Variants in TENT5A observed in about 807,000 individuals in gnomAD.
TENT5A encodes HBV X-transactivated gene 11 protein.
A neutral mutation model predicts 30.2 loss-of-function variants in TENT5A; 9 were observed. That is an observed-to-expected ratio of 0.30 (90% confidence interval 0.18 to 0.52). The LOEUF (loss-of-function observed/expected upper bound fraction) is 0.52. Ranked by LOEUF, TENT5A falls within the 20% of genes least tolerant of loss-of-function variation. The probability of loss-of-function intolerance (pLI) is 0.97; values close to 1 mark genes in which losing one functional copy is unlikely to be tolerated. For missense variants in TENT5A, 411 were observed against 566.1 expected (o/e 0.73, Z 2.78); for synonymous variants, 264 against 234.2 (o/e 1.13, Z -1.16).
rs1768918182 is a variant in TENT5A, at chr6:81,747,905, T to G, written c.*1790A>C. On this transcript the variant is annotated 3_prime_UTR_variant, in exon 3 of 3. Coordinates refer to ENST00000320172, the MANE Select transcript of TENT5A (RefSeq NM_017633.3). ...GTTCATTTCACAAAGGTATAACTGG[T>G]ATTTTTGTAAGAAAGAAAATAAAGT... is the stretch of plus-strand genomic sequence containing the variant. 5 of 985,584 alleles carry G rather than the reference T, an allele frequency of 5.1e-6. No individual in the cohort carries two copies. Among genetic ancestry groups the G allele is most frequent in the Non-Finnish European group, 6.0e-6 (5 of 829,666 alleles). 61.1% of individuals were successfully genotyped at this position (985,584 alleles called of 1,614,324 possible). A position where few individuals can be genotyped will look rare whatever the true frequency, so the allele number is the denominator to read the frequency against.
chr6:81,748,578 TGAGAC>T lies in TENT5A; in HGVS notation c.*1112_*1116del, dbSNP rs1366121759. On this transcript the variant is annotated 3_prime_UTR_variant, in exon 3 of 3. Coordinates refer to ENST00000320172, the MANE Select transcript of TENT5A (RefSeq NM_017633.3). ...ACACAGTATTTAAACATTTCCTATT[TGAGAC>T]ATTATTCTAGATCATAGTCAATCTA... The T allele has an allele frequency of 1.0e-6, 1 of 980,292 alleles. No homozygotes were observed. Among genetic ancestry groups the T allele is most frequent in the Non-Finnish European group, 1.2e-6 (1 of 825,544 alleles). 60.7% of individuals were successfully genotyped at this position (980,292 alleles called of 1,614,324 possible). A position where few individuals can be genotyped will look rare whatever the true frequency, so the allele number is the denominator to read the frequency against.
chr6:81,747,702 C>T lies in TENT5A; in HGVS notation c.*1993G>A. ...AGGAATTATCATAGCAAGCAGTCAT[C>T]CACTAAGGTTGTGGAGATTATGTGG... On this transcript the variant is annotated 3_prime_UTR_variant, in exon 3 of 3. Transcript: ENST00000320172. 2 of 985,784 alleles carry T rather than the reference C, an allele frequency of 2.0e-6. No individual in the cohort carries two copies. Among genetic ancestry groups the T allele is most frequent in the Non-Finnish European group, 2.4e-6 (2 of 829,878 alleles). 61.1% of individuals were successfully genotyped at this position (985,784 alleles called of 1,614,324 possible). A position where few individuals can be genotyped will look rare whatever the true frequency, so the allele number is the denominator to read the frequency against.
At position 81,747,349 on chromosome 6, in the gene TENT5A, T is replaced by C. The variant is rs969038645; in HGVS notation, c.*2346A>G. On this transcript the variant is annotated 3_prime_UTR_variant, in exon 3 of 3. Transcript: ENST00000320172. ...TTCCTGGGAAGTTGCAATTAATTTT[T>C]CAAACCCAGGGCTTAAGTGAGGGAG... 5 of 985,760 alleles carry C rather than the reference T, an allele frequency of 5.1e-6. No homozygotes were observed. The highest frequency in any genetic ancestry group is 1.7e-5 in the African/African-American group (1 of 57,254). The allele number at this position is 985,760 out of a possible 1,614,324, so 61.1% of individuals were successfully genotyped here. A position where few individuals can be genotyped will look rare whatever the true frequency, so the allele number is the denominator to read the frequency against.
chr6:81,752,472 C>G lies in TENT5A; in HGVS notation c.-79G>C. The stretch of plus-strand genomic sequence containing the variant: ...CTTCTAGGAGCGCAGCGAGCGAGAG[C>G]GAAACCGAGAGGCGGCAACACTTCC... On this transcript the variant is annotated 5_prime_UTR_variant, in exon 1 of 3. Coordinates refer to ENST00000320172, the MANE Select transcript of TENT5A (RefSeq NM_017633.3). The G allele has an allele frequency of 6.5e-7, 1 of 1,546,382 alleles. No individual in the cohort carries two copies. The highest frequency in any genetic ancestry group is 2.4e-5 in the East Asian group (1 of 40,886).
chr6:81,751,120 C>T (rs536663195), intron 2 of TENT5A, among the ~76,000 whole-genome samples: 1 of 152,192 alleles, frequency 6.6e-6, no homozygotes, highest in Non-Finnish European at 1.5e-5. Flanking sequence ...ACCTTTAACA[C>T]GTAGTCAGCT....
At position 81,751,722 on chromosome 6, in the gene TENT5A, C is replaced by T; in HGVS notation, c.420G>A (p.Leu140=). The T allele has an allele frequency of 6.2e-7, 1 of 1,614,040 alleles. No homozygotes were observed. Among genetic ancestry groups the T allele is most frequent in the South Asian group, 1.1e-5 (1 of 91,082 alleles). The change falls in exon 2 of 3, where the codon CTG becomes CTA. Residue 140 remains leucine (L), a synonymous_variant. Coordinates refer to ENST00000320172, the MANE Select transcript of TENT5A (RefSeq NM_017633.3). The part of the protein sequence containing the change: ...HQDSGLGYKD[L]DLIFCADLRG... Reference sequence around the variant, plus strand: ...GCAGGTCGGCGCAGAAGATGAGGTCCAGGTCCTTGTAGCCCAGGCCGCTGT... The same window carrying T: ...GCAGGTCGGCGCAGAAGATGAGGTCTAGGTCCTTGTAGCCCAGGCCGCTGT...
At position 81,750,197 on chromosome 6, in the gene TENT5A, C is replaced by A; in HGVS notation, c.827G>T (p.Cys276Phe). The change falls in exon 3 of 3, where the codon TGT (cysteine) becomes TTT (phenylalanine). Residue 276 changes from cysteine to phenylalanine, a missense_variant. Coordinates refer to ENST00000320172, the MANE Select transcript of TENT5A (RefSeq NM_017633.3). The surrounding 1 kb of genome is among the most constrained non-coding windows in gnomAD (Gnocchi z 4.2). ...GTTCCTGGTGGCAATGATCTTGTTA[C>A]AAAGGTGATCAAAGGCTTCCTGGAA... ...GDFQEAFDHL[C>F]NKIIATRNPE... The A allele has an allele frequency of 6.2e-7, 1 of 1,614,142 alleles. No individual in the cohort carries two copies. Among genetic ancestry groups the A allele is most frequent in the Non-Finnish European group, 8.5e-7 (1 of 1,180,016 alleles).
chr6:81,751,824 C>T lies in TENT5A; in HGVS notation c.318G>A (p.Arg106=), dbSNP rs766610600. The T allele has an allele frequency of 8.1e-6, 13 of 1,612,694 alleles. No individual in the cohort carries two copies. The highest frequency in any genetic ancestry group is 1.1e-5 in the Non-Finnish European group (13 of 1,179,846). The change falls in exon 2 of 3, where the codon CGG becomes CGA. Residue 106 remains arginine (R), a synonymous_variant. Coordinates refer to ENST00000320172, the MANE Select transcript of TENT5A (RefSeq NM_017633.3). ...QPSLIVKVVR[R]RLAEKRIGVR... Reference sequence around the variant, plus strand: ...CGCCAATGCGCTTCTCGGCCAGGCGCCGCCGCACCACCTTCACGATCAGGC... The same window carrying T: ...CGCCAATGCGCTTCTCGGCCAGGCGTCGCCGCACCACCTTCACGATCAGGC...
chr6:81,751,905 G>A lies in TENT5A; in HGVS notation c.237C>T (p.Ser79=). 1.2e-6 allele frequency: 2 copies of A among 1,613,180 alleles called. No homozygotes were observed. Among genetic ancestry groups the A allele is most frequent in the African/African-American group, 2.7e-5 (2 of 75,044 alleles). The change falls in exon 2 of 3, where the codon AGC becomes AGT. Residue 79 remains serine, a synonymous_variant. Transcript: ENST00000320172. ...EQVQRLDGIL[S]ETIPIHGRGN... is the part of the protein sequence containing the mutation. Reference sequence around the variant, plus strand: ...CGCGCCCGTGAATCGGAATGGTCTCGCTCAGGATGCCGTCCAGCCGCTGCA... The same window carrying A: ...CGCGCCCGTGAATCGGAATGGTCTCACTCAGGATGCCGTCCAGCCGCTGCA...
At position 81,746,466 on chromosome 6, in the gene TENT5A, G is replaced by T. The variant is rs893277191; in HGVS notation, c.*3229C>A. The T allele has an allele frequency of 2.4e-6, 3 of 1,231,844 alleles. No homozygotes were observed. The African/African-American group carries it at 4.7e-5, about 19-fold the overall frequency. 76.3% of individuals were successfully genotyped at this position (1,231,844 alleles called of 1,614,324 possible). ...ATATTCTTCCATCCTTGCATTTTTG[G>T]AGCTACATTATTAGTCCATCCAATA... On this transcript the variant is annotated 3_prime_UTR_variant, in exon 3 of 3. Coordinates refer to ENST00000320172, the MANE Select transcript of TENT5A (RefSeq NM_017633.3).
chr6:81,747,641 T>C lies in TENT5A; in HGVS notation c.*2054A>G, dbSNP rs1010582427. 4 of 985,638 alleles carry C rather than the reference T, an allele frequency of 4.1e-6. No homozygotes were observed. The highest frequency in any genetic ancestry group is 4.8e-6 in the Non-Finnish European group (4 of 829,868). The allele number at this position is 985,638 out of a possible 1,614,324, so 61.1% of individuals were successfully genotyped here. A position where few individuals can be genotyped will look rare whatever the true frequency, so the allele number is the denominator to read the frequency against. On this transcript the variant is annotated 3_prime_UTR_variant, in exon 3 of 3. Coordinates refer to ENST00000320172, the MANE Select transcript of TENT5A (RefSeq NM_017633.3). Reference sequence around the variant, plus strand: ...TATTTTTTTCTCCCGTGGTCTCTCTTTAACTGATGATGAAAATCTTCTAAT... The same window carrying C: ...TATTTTTTTCTCCCGTGGTCTCTCTCTAACTGATGATGAAAATCTTCTAAT...
Position 81,751,752 on chromosome 6 carries a change from G to C in TENT5A, c.390C>G (p.His130Gln), listed in dbSNP as rs747933228. 1 of 1,613,556 alleles carries C rather than the reference G, an allele frequency of 6.2e-7. No individual in the cohort carries two copies. Among genetic ancestry groups the C allele is most frequent in the Non-Finnish European group, 8.5e-7 (1 of 1,180,038 alleles). Residue 130 changes from histidine to glutamine, a missense_variant, in exon 2 of 3, where the codon CAC becomes CAG. This residue lies in a region of TENT5A where 157 missense variants were observed against 183.2 expected (regional missense o/e 0.86). Coordinates refer to ENST00000320172, the MANE Select transcript of TENT5A (RefSeq NM_017633.3). ...CCTTGTAGCCCAGGCCGCTGTCCTGGTGCAGGACATGGCTGGCTGCCGAGC... is the reference window on the plus strand; with the variant it reads ...CCTTGTAGCCCAGGCCGCTGTCCTGCTGCAGGACATGGCTGGCTGCCGAGC... ...LNGSAASHVL[H>Q]QDSGLGYKDL... is the part of the protein sequence containing the mutation.
At chr6:81,752,217 G>T (rs1769060409) in intron 1 of TENT5A, 39 bp from the exon 2 acceptor site, 2 of 1,255,060 alleles carry the variant, frequency 1.6e-6, no homozygotes, top group Non-Finnish European at 2.1e-6. Flanking sequence ...AGGACGCGCG[G>T]CGGCGGAGAG....
Position 81,746,878 on chromosome 6 carries a change from C to CTA in TENT5A, c.*2815_*2816dup. On this transcript the variant is annotated 3_prime_UTR_variant, in exon 3 of 3. Coordinates refer to ENST00000320172, the MANE Select transcript of TENT5A (RefSeq NM_017633.3). The stretch of plus-strand genomic sequence containing the variant: ...TGTGTTCAACTACATATGCACAAGA[C>CTA]TATAGTACACACAAAATAGAAATAA... 1 of 1,090,998 alleles carries CTA rather than the reference C, an allele frequency of 9.2e-7. No individual in the cohort carries two copies. Among genetic ancestry groups the CTA allele is most frequent in the Non-Finnish European group, 1.1e-6 (1 of 899,102 alleles). The allele number at this position is 1,090,998 out of a possible 1,614,324, so 67.6% of individuals were successfully genotyped here.
chr6:81,749,548 T>G lies in TENT5A; in HGVS notation c.*147A>C, dbSNP rs957716501. 7.1e-7 allele frequency: 1 copy of G among 1,405,858 alleles called. No individual in the cohort carries two copies. The highest frequency in any genetic ancestry group is 2.6e-5 in the East Asian group (1 of 39,068). 87.1% of individuals were successfully genotyped at this position (1,405,858 alleles called of 1,614,324 possible). On this transcript the variant is annotated 3_prime_UTR_variant, in exon 3 of 3. Coordinates refer to ENST00000320172, the MANE Select transcript of TENT5A (RefSeq NM_017633.3). ...ACATCTATTAAAAGATACATAAGCTTTGCCAAACTTAAAACCAGGAGCATA... is the reference window on the plus strand; with the variant it reads ...ACATCTATTAAAAGATACATAAGCTGTGCCAAACTTAAAACCAGGAGCATA...
At position 81,749,781 on chromosome 6, in the gene TENT5A, T is replaced by C. The variant is rs2127726450; in HGVS notation, c.1243A>G (p.Asn415Asp). 1 of 1,614,174 alleles carries C rather than the reference T, an allele frequency of 6.2e-7. No individual in the cohort carries two copies. Among genetic ancestry groups the C allele is most frequent in the Non-Finnish European group, 8.5e-7 (1 of 1,180,038 alleles). ...TGTGCAATGTAGTAATTGCTAAAGT[T>C]GGCATCTGCTACATAGGGGGCTGGC... The part of the protein sequence containing the change: ...YQPAPYVADA[N>D]FSNYYIAQVQ... Residue 415 changes from asparagine to aspartate, a missense_variant, in exon 3 of 3, where the codon AAC becomes GAC. By Grantham distance (23) the Asn-to-Asp change is conservative. Coordinates refer to ENST00000320172, the MANE Select transcript of TENT5A (RefSeq NM_017633.3).
At position 81,752,478 on chromosome 6, in the gene TENT5A, C is replaced by T. The variant is rs1769069898; in HGVS notation, c.-85G>A. The T allele has an allele frequency of 1.3e-6, 2 of 1,542,026 alleles. No individual in the cohort carries two copies. The highest frequency in any genetic ancestry group is 2.4e-5 in the East Asian group (1 of 40,880). On this transcript the variant is annotated 5_prime_UTR_variant, in exon 1 of 3. Transcript: ENST00000320172. ...GGAGCGCAGCGAGCGAGAGCGAAAC[C>T]GAGAGGCGGCAACACTTCCAGGAGC...
chr6:81,746,724 A>G lies in TENT5A; in HGVS notation c.*2971T>C. 8.2e-7 allele frequency: 1 copy of G among 1,226,104 alleles called. No homozygotes were observed. Among genetic ancestry groups the G allele is most frequent in the Non-Finnish European group, 1.0e-6 (1 of 984,620 alleles). The allele number at this position is 1,226,104 out of a possible 1,614,324, so 76.0% of individuals were successfully genotyped here. ...CACTAGGCCAGATAAACACAAAAGG[A>G]AACAAATCACAGGCGCTAATAGGGA... On this transcript the variant is annotated 3_prime_UTR_variant, in exon 3 of 3. Coordinates refer to ENST00000320172, the MANE Select transcript of TENT5A (RefSeq NM_017633.3).
chr6:81,752,088 G>A lies in TENT5A; in HGVS notation c.54C>T (p.Ser18=). 1 of 1,447,540 alleles carries A rather than the reference G, an allele frequency of 6.9e-7. No homozygotes were observed. Among genetic ancestry groups the A allele is most frequent in the Non-Finnish European group, 9.1e-7 (1 of 1,094,742 alleles). The allele number at this position is 1,447,540 out of a possible 1,614,324, so 89.7% of individuals were successfully genotyped here. ...AGTCGCCGCCTAGGGGGATGTAGGG[G>A]CTGCAGGCCAGCTCGTCCTCAGACA... ...FAMSEDELAC[S]PYIPLGGDFG... Residue 18 remains serine, a synonymous_variant, in exon 2 of 3, where the codon AGC becomes AGT. Coordinates refer to ENST00000320172, the MANE Select transcript of TENT5A (RefSeq NM_017633.3).
Sources: allele counts gnomAD v4.1 joint callset (sites outside exome capture counted in the v4.1 genomes callset), GRCh38; gene constraint gnomAD v4.1.1; regional missense constraint gnomAD v4.1.1; non-coding constraint Gnocchi (gnomAD v3.1); transcripts MANE v1.5; gene names NCBI Gene and HGNC (gene_info 2026-07-23, HGNC 2026-07-21).